The following TUBGCP3 variants were observed in gnomAD, a reference collection of about 807,000 sequenced individuals.
TUBGCP3 encodes gamma-tubulin complex component 3.
TUBGCP3 carries 50 observed loss-of-function variants against 123.1 expected under a neutral mutation model. The observed-to-expected ratio is 0.41, with a 90% CI of 0.32 to 0.51. The LOEUF is 0.51. Ranked by LOEUF, TUBGCP3 falls within the 20% of genes least tolerant of loss-of-function variation. TUBGCP3 has a pLI of 0.36. For missense variants in TUBGCP3, 882 were observed against 1,127.0 expected, an observed-to-expected ratio of 0.78 and a Z score of 3.11; for synonymous variants, 405 against 413.9, an observed-to-expected ratio of 0.98 and a Z score of 0.26.
At chr13:112,531,987 G>C (rs1183140715) in intron 11 of TUBGCP3, among the ~76,000 whole-genome samples, 2 of 152,056 alleles carry the variant, frequency 1.3e-5, no homozygotes, top group African/African-American at 4.8e-5. Flanking sequence ...CAAATGCCAA[G>C]GCCTCCCTAC....
Position 112,554,092 on chromosome 13 carries a change from T to C in TUBGCP3, c.931A>G (p.Arg311Gly). 6.2e-7 allele frequency: 1 copy of C among 1,614,206 alleles called. No individual in the cohort carries two copies. The highest frequency in any genetic ancestry group is 8.5e-7 in the Non-Finnish European group (1 of 1,180,036). The change falls in exon 8 of 22, where the codon AGG becomes GGG. Residue 311 changes from arginine (R) to glycine (G), a missense_variant. Physicochemically the swap from Arg to Gly is moderately radical, Grantham distance 125 (BLOSUM62 -2). Around this residue, in one of 3 missense-constraint regions of TUBGCP3, gnomAD observed 713 missense variants for 874.0 expected, o/e 0.82. Coordinates refer to ENST00000261965, the MANE Select transcript of TUBGCP3 (RefSeq NM_006322.6). ...AGTCCGAATGAGCGGTCCAGGCTCC[T>C]CTGGTCCGTGTATCTTCTGATTTTA... ...HNKIRRYTDQRSLDRSFGLVG... is the reference protein window; with the variant it reads ...HNKIRRYTDQGSLDRSFGLVG...
rs529349665 is a variant in TUBGCP3, at chr13:112,548,252, T to G, written c.967-76A>C. 5.0e-6 allele frequency: 6 copies of G among 1,188,486 alleles called. No homozygotes were observed. The East Asian group carries it at 1.2e-4, about 24-fold the overall frequency. The allele number at this position is 1,188,486 out of a possible 1,614,324, so 73.6% of individuals were successfully genotyped here. On this transcript the variant is annotated intron_variant, in intron 8 of 21. Coordinates refer to ENST00000261965, the MANE Select transcript of TUBGCP3 (RefSeq NM_006322.6). ...ACTGATTTTAAGTGGAAAGGTATAA[T>G]GCGTTTAGATAAAGTTCAGGTGGGG...
chr13:112,507,524 T>C (rs912191199), intron 17 of TUBGCP3, among the ~76,000 whole-genome samples: 2 of 152,252 alleles, frequency 1.3e-5, no homozygotes, highest in African/African-American at 4.8e-5. Context: ...TGAGGGACTC[T>C]AGATTTGTTA....
At chr13:112,533,783 C>A (rs1408186543) in intron 11 of TUBGCP3, among the ~76,000 whole-genome samples, 2 of 144,640 alleles carry the variant, frequency 1.4e-5, no homozygotes, top group African/African-American at 2.6e-5. Flanking sequence ...AAGCAGAGTT[C>A]TTTCTAAGAG....
intron 11 of TUBGCP3, among the ~76,000 whole-genome samples, chr13:112,534,647 G>A (rs1262735287): frequency 1.3e-5 from 2 of 152,164 alleles, no homozygotes; most frequent in African/African-American, 2.4e-5. Flanking sequence ...TGCGCTCGGC[G>A]ACGCCATGGT....
chr13:112,561,096 G>A (rs1046007090), intron 3 of TUBGCP3, among the ~76,000 whole-genome samples: 5 of 152,232 alleles, frequency 3.3e-5, no homozygotes, highest in South Asian at 4.1e-4. Context: ...GGAAGCCTGC[G>A]AAGGACGTCC....
At chr13:112,601,140 T>G in the TUBGCP3 span, among the ~76,000 whole-genome samples, 1 of 130,604 alleles carries the variant, frequency 7.7e-6, no homozygotes, top group Non-Finnish European at 1.5e-5. Context: ...TGAGCCAAGA[T>G]CACGCCACTG....
chr13:112,499,569 A>G (rs1430531560), intron 19 of TUBGCP3, among the ~76,000 whole-genome samples: 1 of 152,222 alleles, frequency 6.6e-6, no homozygotes, highest in Non-Finnish European at 1.5e-5. Context: ...AGATTGAAAA[A>G]AGAATAGGAA....
chr13:112,561,428 C>G (rs1880508369), intron 3 of TUBGCP3, among the ~76,000 whole-genome samples: 1 of 152,208 alleles, frequency 6.6e-6, no homozygotes, highest in Non-Finnish European at 1.5e-5. Flanking sequence ...CAAAGGACAG[C>G]AAATCTGAAT....
Position 112,522,404 on chromosome 13 carries a change from C to G in TUBGCP3, c.1661G>C (p.Ser554Thr). ...CATTGCCTGCATGTGGTCCAGCAAGCTGTACTTTTTATTGAGAACATCCAA... is the reference window on the plus strand; with the variant it reads ...CATTGCCTGCATGTGGTCCAGCAAGGTGTACTTTTTATTGAGAACATCCAA... ...YLLDVLNKKY[S>T]LLDHMQAMRR... is the part of the protein sequence containing the mutation. The change falls in exon 14 of 22, where the codon AGC (serine) becomes ACC (threonine). Residue 554 changes from serine to threonine, a missense_variant. Physicochemically the swap from Ser to Thr is moderately conservative, Grantham distance 58. This residue lies in a region of TUBGCP3 where 713 missense variants were observed against 874.0 expected (regional missense o/e 0.82). Coordinates refer to ENST00000261965, the MANE Select transcript of TUBGCP3 (RefSeq NM_006322.6). The G allele has an allele frequency of 6.2e-7, 1 of 1,614,156 alleles. No individual in the cohort carries two copies. The highest frequency in any genetic ancestry group is 1.1e-5 in the South Asian group (1 of 91,078).
intron 8 of TUBGCP3, among the ~76,000 whole-genome samples, chr13:112,549,989 C>CA (rs750596642): frequency 0.07 from 2,822 of 40,042 alleles, 256 homozygotes; most frequent in Middle Eastern, 0.086. Flanking sequence ...GACTCCATCT[C>CA]AAAAAAAAAA....
chr13:112,588,199 G>A, upstream of TUBGCP3: 1 of 403,526 alleles, frequency 2.5e-6, no homozygotes, highest in South Asian at 6.5e-5. Flanking sequence ...CCGCGGCCGC[G>A]CGTGCGGCTG....
intron 1 of TUBGCP3, among the ~76,000 whole-genome samples, chr13:112,571,963 T>C (rs1457500923): frequency 6.6e-6 from 1 of 152,246 alleles, no homozygotes; most frequent in Non-Finnish European, 1.5e-5. Flanking sequence ...AAGATTAGGT[T>C]TTGGCTTAAA....
chr13:112,533,378 C>G (rs1048070532), intron 11 of TUBGCP3, among the ~76,000 whole-genome samples: 3 of 152,204 alleles, frequency 2.0e-5, no homozygotes, highest in African/African-American at 7.2e-5. Flanking sequence ...CCATGCATCT[C>G]TCATGTTTGC....
intron 11 of TUBGCP3, among the ~76,000 whole-genome samples, chr13:112,540,619 A>G: frequency 6.6e-6 from 1 of 151,026 alleles, no homozygotes; most frequent in Non-Finnish European, 1.5e-5. Flanking sequence ...GGTCTTGGGA[A>G]AGGACACCTG....
intron 14 of TUBGCP3, among the ~76,000 whole-genome samples, chr13:112,521,207 T>C (rs989017172): frequency 1.3e-5 from 2 of 152,230 alleles, no homozygotes; most frequent in African/African-American, 4.8e-5. Flanking sequence ...CAAACAGGTG[T>C]TGACCTCATC....
chr13:112,501,639 A>T lies in TUBGCP3; in HGVS notation c.2307+2393T>A, dbSNP rs578073769. Reference sequence around the variant, plus strand: ...TTAAAATTGCTTATGTCAATAATAGATTGTTTTAATCTGCTTTACATACTG... The same window carrying T: ...TTAAAATTGCTTATGTCAATAATAGTTTGTTTTAATCTGCTTTACATACTG... On this transcript the variant is annotated intron_variant, in intron 19 of 21. Coordinates refer to ENST00000261965, the MANE Select transcript of TUBGCP3 (RefSeq NM_006322.6). 3.9e-5 allele frequency among the ~76,000 whole-genome samples: 6 copies of T among 152,326 alleles called. No homozygotes were observed. In the South Asian group the frequency reaches 1.2e-3, roughly 32 times the overall value.
At position 112,582,610 on chromosome 13, in the gene TUBGCP3, A is replaced by C. The variant is rs117718706; in HGVS notation, c.76+5295T>G. On this transcript the variant is annotated intron_variant, in intron 1 of 21. Transcript: ENST00000261965. ...TGCCACAGGGCTCTAAATGCCACTC[A>C]GTCAGTCACTCCATCGAGAGCCCCA... 1.5e-3 allele frequency among the ~76,000 whole-genome samples: 234 copies of C among 152,360 alleles called. 3 individuals are homozygous for C. The East Asian group carries it at 0.025, about 16-fold the overall frequency.
chr13:112,568,890 C>T (rs888271409), intron 2 of TUBGCP3, among the ~76,000 whole-genome samples: 40 of 152,188 alleles, frequency 2.6e-4, no homozygotes, highest in African/African-American at 9.6e-4. Context: ...ACTCACCAAC[C>T]AAAAGCTAAC....
Sources: allele counts gnomAD v4.1 joint callset (sites outside exome capture counted in the v4.1 genomes callset), GRCh38; gene constraint gnomAD v4.1.1; regional missense constraint gnomAD v4.1.1; transcripts MANE v1.5; gene names NCBI Gene and HGNC (gene_info 2026-07-23, HGNC 2026-07-21).